Variants in LACTB observed in about 807,000 individuals in gnomAD.
The protein encoded by LACTB is lactamase beta, also known as serine beta-lactamase-like protein LACTB, mitochondrial.
In LACTB, 35 loss-of-function variants were observed where a neutral mutation model predicts 50.2. The ratio of observed to expected loss-of-function variants is 0.70; its 90% CI spans 0.53 to 0.92. The LOEUF is 0.92. LACTB is among the 40% of genes least tolerant of loss of function. LACTB has a pLI of 0.00. For missense variants in LACTB, 664 were observed against 691.8 expected (o/e 0.96, Z 0.45); for synonymous variants, 252 against 268.2 (o/e 0.94, Z 0.59).
At chr15:63,141,020 C>T (rs1305603108) in intron 5 of LACTB, 24 of 984,878 alleles carry the variant, frequency 2.4e-5, no homozygotes, top group Admixed American at 1.2e-4. Flanking sequence ...GTTTGATACA[C>T]TCAGCATGGA....
intron 2 of LACTB, 83 bp from the exon 3 acceptor site, chr15:63,126,776 A>G (rs2037058192): frequency 1.3e-6 from 1 of 765,924 alleles, no homozygotes; most frequent in Non-Finnish European, 2.0e-6. Context: ...CAGCATGTTT[A>G]AAGATAGTAT....
In LACTB at chr15:63,122,148, C is replaced by G. The variant is rs1320187078; in HGVS notation, c.277C>G (p.Pro93Ala). ...PQEQSLAPWSPQTPAPPCSRC... is the reference protein window; with the variant it reads ...PQEQSLAPWSAQTPAPPCSRC... ...GGAGCAGTCCCTCGCCCCGTGGTCT[C>G]CGCAGACCCCGGCGCCGCCCTGCTC... The change falls in exon 1 of 6, where the codon CCG becomes GCG. Residue 93 changes from proline (P) to alanine (A), a missense_variant. Physicochemically the swap from Pro to Ala is conservative, Grantham distance 27 (BLOSUM62 -1). Transcript: ENST00000261893. 2 of 1,511,046 alleles carry G rather than the reference C, an allele frequency of 1.3e-6. No homozygotes were observed. Among genetic ancestry groups the G allele is most frequent in the South Asian group, 2.4e-5 (2 of 82,436 alleles). 93.6% of individuals were successfully genotyped at this position (1,511,046 alleles called of 1,614,324 possible).
In LACTB at chr15:63,127,059, C is replaced by G. The variant is rs533247795; in HGVS notation, c.615+10C>G. 69 of 1,559,552 alleles carry G rather than the reference C, an allele frequency of 4.4e-5. No homozygotes were observed. The highest frequency in any genetic ancestry group is 5.6e-5 in the Non-Finnish European group (64 of 1,144,158). On this transcript the variant is annotated intron_variant, in intron 3 of 5. Transcript: ENST00000261893. ...ATATGAAGGTGAAAAGGTACTGAAA[C>G]TCACAGTTCATTTTACTAATGGCAT...
At chr15:63,137,515 A>G (rs2037188669) in intron 5 of LACTB, among the ~76,000 whole-genome samples, 1 of 152,186 alleles carries the variant, frequency 6.6e-6, no homozygotes, top group Non-Finnish European at 1.5e-5. Flanking sequence ...GCAGCTGTAT[A>G]TATTTATGGG....
At chr15:63,134,392 G>A (rs2037157679) in intron 5 of LACTB, among the ~76,000 whole-genome samples, 1 of 152,148 alleles carries the variant, frequency 6.6e-6, no homozygotes, top group South Asian at 2.1e-4. Flanking sequence ...CCTGAGGTGA[G>A]CTGTTCTGAT....
At chr15:63,123,480 G>T (rs2037005565) in intron 2 of LACTB, among the ~76,000 whole-genome samples, 1 of 152,176 alleles carries the variant, frequency 6.6e-6, no homozygotes, top group Non-Finnish European at 1.5e-5. Context: ...GTGCGGCGAC[G>T]AGAGAGTGTA....
rs1047934076 is a variant in LACTB, at chr15:63,142,032, ACT to A, written c.*230_*231del. 1 of 446,274 alleles carries A rather than the reference ACT, an allele frequency of 2.2e-6. No homozygotes were observed. Among genetic ancestry groups the A allele is most frequent in the Non-Finnish European group, 4.0e-6 (1 of 251,666 alleles). 27.6% of individuals were successfully genotyped at this position (446,274 alleles called of 1,614,324 possible). ...TTTTTACTTTTTGAAAAAAGTGTTA[ACT>A]CTTGAAATAAAATATTCTGATAAAA... On this transcript the variant is annotated 3_prime_UTR_variant, in exon 6 of 6. Coordinates refer to ENST00000261893, the MANE Select transcript of LACTB (RefSeq NM_032857.5).
At chr15:63,134,900 T>C (rs2037163156) in intron 5 of LACTB, among the ~76,000 whole-genome samples, 1 of 151,892 alleles carries the variant, frequency 6.6e-6, no homozygotes, top group Non-Finnish European at 1.5e-5. Context: ...AAAAAAAAGT[T>C]TGAAAGCCAT....
At chr15:63,122,271 C>A (rs758516044) in intron 1 of LACTB, 43 bp downstream of exon 1, 15 of 1,465,438 alleles carry the variant, frequency 1.0e-5, no homozygotes, top group Middle Eastern at 2.4e-4. Flanking sequence ...CGGGGATCCA[C>A]CCCTGTCGGC....
In LACTB at chr15:63,122,433, G is replaced by A. The variant is rs1595712597; in HGVS notation, c.358-203G>A. 3.0e-5 allele frequency: 20 copies of A among 673,678 alleles called. No individual in the cohort carries two copies. The East Asian group carries it at 5.4e-4, about 18-fold the overall frequency. The allele number at this position is 673,678 out of a possible 1,614,324, so 41.7% of individuals were successfully genotyped here. On this transcript the variant is annotated intron_variant, in intron 1 of 5. Coordinates refer to ENST00000261893, the MANE Select transcript of LACTB (RefSeq NM_032857.5). ...TGGGTGGAGGTCACCGCCTGTCTCG[G>A]GGACCGCCCCTTCCCCCTAGGGGGC... is the stretch of plus-strand genomic sequence containing the variant.
intron 2 of LACTB, among the ~76,000 whole-genome samples, chr15:63,123,719 C>G (rs1040033611): frequency 3.9e-5 from 6 of 152,156 alleles, no homozygotes; most frequent in African/African-American, 1.4e-4. Flanking sequence ...GCCTGGCAGC[C>G]GAGGCAGAGA....
intron 4 of LACTB, 113 bp downstream of exon 4, chr15:63,127,802 C>T (rs2652824): frequency 0.77 from 552,668 of 713,730 alleles, 215,594 homozygotes; most frequent in East Asian, 1. Flanking sequence ...GATTGTGATA[C>T]GGACTAGTCT....
chr15:63,141,332 A>G lies in LACTB; in HGVS notation c.1171A>G (p.Asn391Asp), dbSNP rs761766710. The G allele has an allele frequency of 9.9e-6, 16 of 1,614,176 alleles. No homozygotes were observed. In the East Asian group the frequency reaches 3.3e-4, roughly 34 times the overall value. Residue 391 changes from asparagine to aspartate, a missense_variant, in exon 6 of 6, where the codon AAC (asparagine) becomes GAC (aspartate). Physicochemically the swap from Asn to Asp is conservative, Grantham distance 23. Coordinates refer to ENST00000261893, the MANE Select transcript of LACTB (RefSeq NM_032857.5). The part of the protein sequence containing the change: ...KRLVNTPYVD[N>D]SYKWAGGGFL... ...TCTTGTCAACACACCTTACGTGGAT[A>G]ACTCCTATAAATGGGCTGGTGGTGG... is the stretch of plus-strand genomic sequence containing the variant.
intron 2 of LACTB, among the ~76,000 whole-genome samples, chr15:63,125,272 A>G (rs1438510081): frequency 6.6e-6 from 1 of 151,348 alleles, no homozygotes; most frequent in African/African-American, 2.4e-5. Context: ...GGTTCAAGTG[A>G]TTCTCCTGCC....
At chr15:63,129,106 A>G (rs1046384331) in intron 4 of LACTB, among the ~76,000 whole-genome samples, 1 of 152,266 alleles carries the variant, frequency 6.6e-6, no homozygotes. Context: ...GTAGAGGTAT[A>G]TTAAGAACAA....
Position 63,127,503 on chromosome 15 carries a change from A to G in LACTB, c.766A>G (p.Ser256Gly). ...ATTTGAGCAAGAAAAAGAAGGCAAA[A>G]GTAATGAAAAGAATGATTTTACTAA... ...VAFEQEKEGK[S>G]NEKNDFTKFK... Residue 256 changes from serine (S) to glycine (G), a missense_variant, in exon 4 of 6, where the codon AGT becomes GGT. Transcript: ENST00000261893. 6.2e-7 allele frequency: 1 copy of G among 1,613,838 alleles called. No individual in the cohort carries two copies.
rs199835006 is a variant in LACTB, at chr15:63,129,485, G to C, written c.953G>C (p.Gly318Ala). Reference sequence around the variant, plus strand: ...TTCCTCCTCGCAATGATGTCTCAAGGTAGTCAGTTTTTGTATTCAACTTTT... The same window carrying C: ...TTCCTCCTCGCAATGATGTCTCAAGCTAGTCAGTTTTTGTATTCAACTTTT... The part of the protein sequence containing the change: ...FKNDPLFFKP[G>A]SQFLYSTFGY... Residue 318 changes from glycine (G) to alanine (A), a missense_variant and splice_region_variant, in exon 5 of 6, where the codon GGT becomes GCT. By Grantham distance (60) the Gly-to-Ala change is moderately conservative. Coordinates refer to ENST00000261893, the MANE Select transcript of LACTB (RefSeq NM_032857.5). 6.3e-7 allele frequency: 1 copy of C among 1,577,056 alleles called. No homozygotes were observed. Among genetic ancestry groups the C allele is most frequent in the African/African-American group, 1.4e-5 (1 of 73,392 alleles).
In LACTB at chr15:63,127,603, A is replaced by G. The variant is rs2037070580; in HGVS notation, c.866A>G (p.Gln289Arg). The G allele has an allele frequency of 2.5e-6, 4 of 1,612,986 alleles. No individual in the cohort carries two copies. Among genetic ancestry groups the G allele is most frequent in the Non-Finnish European group, 3.4e-6 (4 of 1,179,332 alleles). The change falls in exon 4 of 6, where the codon CAA becomes CGA. Residue 289 changes from glutamine (Q) to arginine (R), a missense_variant. Gln to Arg is a conservative substitution (Grantham distance 43). Coordinates refer to ENST00000261893, the MANE Select transcript of LACTB (RefSeq NM_032857.5). The part of the protein sequence containing the change: ...KPGKKKNDFE[Q>R]GELYLREKFE... ...GGCAAGAAAAAGAATGATTTTGAAC[A>G]AGGCGAATTATATTTGAGAGAAAAG...
At chr15:63,125,754 A>G (rs1037873156) in intron 2 of LACTB, 3 of 151,650 alleles carry the variant, frequency 2.0e-5, no homozygotes, top group African/African-American at 7.3e-5. Flanking sequence ...ATCTTGGCTC[A>G]CTGCAATCTC....
Sources: allele counts gnomAD v4.1 joint callset (sites outside exome capture counted in the v4.1 genomes callset), GRCh38; gene constraint gnomAD v4.1.1; transcripts MANE v1.5; gene names NCBI Gene and HGNC (gene_info 2026-07-23, HGNC 2026-07-21).